ANKRD36: variants seen among roughly 807,000 people sequenced by gnomAD.
ANKRD36 encodes the protein ankyrin repeat domain 36.
A neutral mutation model predicts 278.1 loss-of-function variants in ANKRD36; 179 were observed. The ratio of observed to expected loss-of-function variants is 0.64; its 90% CI spans 0.57 to 0.73. The LOEUF (loss-of-function observed/expected upper bound fraction) is 0.73, where lower values mean the gene tolerates loss of function less well. Ranked by LOEUF, ANKRD36 falls within the 30% of genes least tolerant of loss-of-function variation. The pLI is 0.00. For synonymous variants in ANKRD36, 320 were observed against 641.1 expected, an observed-to-expected ratio of 0.50 and a Z score of 7.57; for missense variants, 1,159 against 1,956.7, an observed-to-expected ratio of 0.59 and a Z score of 7.69.
intron 75 of ANKRD36, among the ~76,000 whole-genome samples, chr2:97,260,379 T>TATATATATATATATATAC (rs1315601255): frequency 1.9e-4 from 23 of 121,212 alleles, no homozygotes; most frequent in African/African-American, 7.4e-4. Context: ...TATATATATA[T>TATATATATATATATATAC]ACACACATAT....
intron 66 of ANKRD36, among the ~76,000 whole-genome samples, chr2:97,220,548 A>G (rs1284889587): frequency 3.3e-5 from 5 of 151,316 alleles, no homozygotes; most frequent in Non-Finnish European, 7.4e-5. Context: ...TGTTCCATCC[A>G]TGTCATTGCG....
chr2:97,211,022 T>C (rs2064375044), intron 56 of ANKRD36, among the ~76,000 whole-genome samples: 1 of 151,892 alleles, frequency 6.6e-6, no homozygotes, highest in Non-Finnish European at 1.5e-5. Context: ...TCCAAGGTGA[T>C]CAATTTAGGA....
At chr2:97,220,304 GT>G (rs1387660441) in intron 66 of ANKRD36, among the ~76,000 whole-genome samples, 1 of 149,198 alleles carries the variant, frequency 6.7e-6, no homozygotes, top group Non-Finnish European at 1.5e-5. Flanking sequence ...CTGTAGTCAT[GT>G]TTTTGTGCTA....
chr2:97,183,746 T>C (rs2056793262), intron 28 of ANKRD36, 92 bp downstream of exon 28: 1 of 1,427,514 alleles, frequency 7.0e-7, no homozygotes, highest in Admixed American at 2.4e-5. Context: ...TCATTGAAAA[T>C]GCACTTTCTG....
chr2:97,209,464 A>T (rs1347911066), intron 54 of ANKRD36, among the ~76,000 whole-genome samples: 1 of 146,350 alleles, frequency 6.8e-6, no homozygotes, highest in African/African-American at 2.7e-5. Context: ...GACAAATCAT[A>T]TAATGTTTGA....
At chr2:97,258,309 AT>A (rs1461382491) in intron 75 of ANKRD36, among the ~76,000 whole-genome samples, 2 of 87,474 alleles carry the variant, frequency 2.3e-5, no homozygotes, top group African/African-American at 4.2e-5. Context: ...TAGGCACAGC[AT>A]TTTTTTTTCA....
intron 58 of ANKRD36, among the ~76,000 whole-genome samples, chr2:97,212,195 G>T (rs1320947469): frequency 6.6e-6 from 1 of 151,888 alleles, no homozygotes; most frequent in African/African-American, 2.4e-5. Context: ...TTTCCTCAAG[G>T]AATAGGGATT....
intron 17 of ANKRD36, among the ~76,000 whole-genome samples, chr2:97,160,874 T>G (rs946968793): frequency 1.3e-5 from 2 of 152,108 alleles, no homozygotes; most frequent in Non-Finnish European, 2.9e-5. Flanking sequence ...TTTAGATAAC[T>G]GTTTTCATTA....
At chr2:97,166,849 A>T (rs1297679961) in intron 20 of ANKRD36, among the ~76,000 whole-genome samples, 1 of 152,290 alleles carries the variant, frequency 6.6e-6, no homozygotes, top group African/African-American at 2.4e-5. Context: ...AACAATCAAG[A>T]AATATATTTC....
intron 46 of ANKRD36, 72 bp downstream of exon 46, chr2:97,200,597 C>A: frequency 6.5e-7 from 1 of 1,530,858 alleles, no homozygotes; most frequent in South Asian, 1.2e-5. Flanking sequence ...ATAAATCAGT[C>A]GGGGGCTGGT....
intron 67 of ANKRD36, among the ~76,000 whole-genome samples, chr2:97,230,467 G>C (rs181601613): frequency 8.5e-4 from 129 of 152,154 alleles, no homozygotes; most frequent in African/African-American, 2.9e-3. Flanking sequence ...CGTAGTTCTC[G>C]AGCCTCGGCT....
intron 22 of ANKRD36, among the ~76,000 whole-genome samples, chr2:97,171,609 A>C (rs1364601343): frequency 9.3e-5 from 13 of 139,200 alleles, no homozygotes; most frequent in African/African-American, 3.2e-4. Flanking sequence ...CTAGATGACG[A>C]GTTAGTGGGT....
chr2:97,204,493 G>A (rs2062289660), intron 50 of ANKRD36, among the ~76,000 whole-genome samples: 1 of 151,476 alleles, frequency 6.6e-6, no homozygotes, highest in Non-Finnish European at 1.5e-5. Flanking sequence ...GAAGAAATAT[G>A]GAGAGCAGTT....
intron 6 of ANKRD36, among the ~76,000 whole-genome samples, chr2:97,139,278 C>G (rs1173754251): frequency 6.6e-6 from 1 of 151,530 alleles, no homozygotes; most frequent in Non-Finnish European, 1.5e-5. Flanking sequence ...GACATGTAAC[C>G]AAGAACTTGA....
intron 47 of ANKRD36, 43 bp downstream of exon 47, chr2:97,202,273 G>T (rs376200954): frequency 6.2e-7 from 1 of 1,604,834 alleles, no homozygotes; most frequent in Middle Eastern, 1.7e-4. Flanking sequence ...TTAATGTATG[G>T]TCTATGAAAC....
chr2:97,195,089 A>T (rs1460632190), intron 40 of ANKRD36, among the ~76,000 whole-genome samples, 172 bp downstream of exon 40: 2 of 152,094 alleles, frequency 1.3e-5, no homozygotes, highest in South Asian at 2.1e-4. Context: ...CTGGAACATG[A>T]TCTTCACTGT....
chr2:97,171,022 A>G (rs1253783470), intron 22 of ANKRD36, among the ~76,000 whole-genome samples: 3 of 151,348 alleles, frequency 2.0e-5, no homozygotes, highest in Non-Finnish European at 4.4e-5. Context: ...CACCAGTTAG[A>G]ATGGCAGTCA....
rs575814795 is a variant in ANKRD36, at chr2:97,197,370, G to T, written c.2653+582G>T. Reference sequence around the variant, plus strand: ...ATTTTAATAAAAAATACTTGATTTTGGCTGCTGCAGGAACTGCTGGAAGAA... The same window carrying T: ...ATTTTAATAAAAAATACTTGATTTTTGCTGCTGCAGGAACTGCTGGAAGAA... On this transcript the variant is annotated intron_variant, in intron 42 of 75. Transcript: ENST00000420699. 8.6e-5 allele frequency among the ~76,000 whole-genome samples: 13 copies of T among 152,016 alleles called. 1 individual carries two copies. The South Asian group carries it at 2.7e-3, about 32-fold the overall frequency.
In ANKRD36 at chr2:97,204,032, A is replaced by G. The variant is rs751318091; in HGVS notation, c.2960-36A>G. 6.7e-5 allele frequency: 105 copies of G among 1,556,242 alleles called. No homozygotes were observed. The Middle Eastern group carries it at 1.6e-3, about 24-fold the overall frequency. On this transcript the variant is annotated intron_variant, in intron 48 of 75. Coordinates refer to ENST00000420699, the MANE Select transcript of ANKRD36 (RefSeq NM_001354587.1). ...ATGTATGGATAATTTTGTCATTTTT[A>G]CATATGAGTGATTAGGAATCCCTTT...
Sources: gnomAD v4.1 joint callset for allele counts (sites outside exome capture counted in the v4.1 genomes callset) on GRCh38, gnomAD v4.1.1 for gene constraint, MANE v1.5 for transcripts, NCBI Gene and HGNC (gene_info 2026-07-23, HGNC 2026-07-21) for gene names.